ALKAL2: variants seen among roughly 807,000 people sequenced by gnomAD.
ALKAL2 encodes ALK and LTK ligand 2, also known as AUG-alpha.
In ALKAL2, 8 loss-of-function variants were observed where a neutral mutation model predicts 18.5. That is an observed-to-expected ratio of 0.43 (90% CI 0.25 to 0.78). The LOEUF (loss-of-function observed/expected upper bound fraction) is 0.78. Ranked by LOEUF, ALKAL2 falls within the 30% of genes least tolerant of loss-of-function variation. The probability of loss-of-function intolerance (pLI) is 0.22; values close to 1 mark genes in which losing one functional copy is unlikely to be tolerated. For missense variants in ALKAL2, 241 were observed against 211.2 expected, an observed-to-expected ratio of 1.14 and a Z score of -0.88; for synonymous variants, 135 against 95.8, an observed-to-expected ratio of 1.41 and a Z score of -2.39.
intron 3 of ALKAL2, 24 bp downstream of exon 3, chr2:286,266 G>C (rs958443391): frequency 1.9e-6 from 3 of 1,610,666 alleles, no homozygotes; most frequent in Non-Finnish European, 2.5e-6. Flanking sequence ...TCTGGGAGAC[G>C]TGAGGAACGA....
Position 279,983 on chromosome 2 carries a change from C to T in ALKAL2, c.*164G>A. 1 of 729,894 alleles carries T rather than the reference C, an allele frequency of 1.4e-6. No homozygotes were observed. The allele number at this position is 729,894 out of a possible 1,614,324, so 45.2% of individuals were successfully genotyped here. ...CACTGATTTATCGAATATATATCTG[C>T]AAACTGTCAACAACATACAAAACTC... On this transcript the variant is annotated 3_prime_UTR_variant, in exon 6 of 6. Coordinates refer to ENST00000403610, the MANE Select transcript of ALKAL2 (RefSeq NM_001002919.3).
chr2:280,432 G>A (rs1463054014), intron 5 of ALKAL2, among the ~76,000 whole-genome samples: 3 of 152,234 alleles, frequency 2.0e-5, no homozygotes, highest in Non-Finnish European at 2.9e-5. Flanking sequence ...AGTCTTACAT[G>A]TGCTATCAGA....
In ALKAL2 at chr2:282,032, T is replaced by C. The variant is rs375703854; in HGVS notation, c.453+1079A>G. 1.3e-5 allele frequency among the ~76,000 whole-genome samples: 2 copies of C among 152,116 alleles called. 1 individual carries two copies. Among genetic ancestry groups the C allele is most frequent in the African/African-American group, 4.8e-5 (2 of 41,416 alleles). On this transcript the variant is annotated intron_variant, in intron 5 of 5. Coordinates refer to ENST00000403610, the MANE Select transcript of ALKAL2 (RefSeq NM_001002919.3). ...AAAAGTGCAGTGAAACTGTGCAAAA[T>C]GCAGTCTCAACCCGCCATTACCCAC...
intron 5 of ALKAL2, among the ~76,000 whole-genome samples, chr2:282,076 G>A (rs973269929): frequency 3.3e-5 from 5 of 152,206 alleles, no homozygotes; most frequent in African/African-American, 1.2e-4. Flanking sequence ...CTCCCCCAGT[G>A]CCATTCCTCT....
chr2:282,889 C>G (rs1198576786), intron 5 of ALKAL2, among the ~76,000 whole-genome samples: 1 of 152,166 alleles, frequency 6.6e-6, no homozygotes, highest in Non-Finnish European at 1.5e-5. Context: ...ACTTAGTGCC[C>G]GTGTGCCATG....
Position 286,130 on chromosome 2 carries a change from A to G in ALKAL2, c.381T>C (p.Ile127=). The part of the protein sequence containing the change: ...RLYHNTRDCT[I]PAYYKRCARL... ...TCCAATGCTGTTACTTACATGCAGGAATGGTGCAGTCTCTGGTGTTGTGAT... is the reference window on the plus strand; with the variant it reads ...TCCAATGCTGTTACTTACATGCAGGGATGGTGCAGTCTCTGGTGTTGTGAT... The change falls in exon 4 of 6, where the codon ATT becomes ATC. Residue 127 remains isoleucine, a synonymous_variant. Transcript: ENST00000403610. The G allele has an allele frequency of 6.2e-7, 1 of 1,613,270 alleles. No individual in the cohort carries two copies. The highest frequency in any genetic ancestry group is 8.5e-7 in the Non-Finnish European group (1 of 1,179,344).
intron 4 of ALKAL2, among the ~76,000 whole-genome samples, chr2:284,922 T>C (rs556303199): frequency 6.6e-6 from 1 of 152,280 alleles, no homozygotes; most frequent in South Asian, 2.1e-4. Flanking sequence ...GGTGATTACA[T>C]TCCAAAAGAA....
At chr2:281,533 A>C (rs1445959531) in intron 5 of ALKAL2, among the ~76,000 whole-genome samples, 1 of 152,178 alleles carries the variant, frequency 6.6e-6, no homozygotes, top group Non-Finnish European at 1.5e-5. Context: ...GCAAAGCAGG[A>C]CGTGCGCACG....
rs994471992 is a variant in ALKAL2, at chr2:279,800, A to T, written c.*347T>A. On this transcript the variant is annotated 3_prime_UTR_variant, in exon 6 of 6. Coordinates refer to ENST00000403610, the MANE Select transcript of ALKAL2 (RefSeq NM_001002919.3). ...ATCAAATTATGTTATATGAAAATAT[A>T]CTTTAAGATTCTGCTTATGTTTCTA... 6.0e-5 allele frequency: 15 copies of T among 248,592 alleles called. No individual in the cohort carries two copies. Among genetic ancestry groups the T allele is most frequent in the Non-Finnish European group, 1.0e-4 (13 of 129,144 alleles). The allele number at this position is 248,592 out of a possible 1,614,324, so 15.4% of individuals were successfully genotyped here.
chr2:282,566 G>A (rs1670387972), intron 5 of ALKAL2, among the ~76,000 whole-genome samples: 1 of 152,118 alleles, frequency 6.6e-6, no homozygotes, highest in Non-Finnish European at 1.5e-5. Flanking sequence ...GCCCTCAAGG[G>A]GCCAAGGTGC....
At chr2:286,409 G>A (rs1670510743) in intron 2 of ALKAL2, 66 bp from the exon 3 acceptor site, 3 of 1,302,224 alleles carry the variant, frequency 2.3e-6, no homozygotes, top group Middle Eastern at 2.4e-4. Flanking sequence ...GTGATCTTAA[G>A]TGAATGTTGA....
At chr2:282,451 A>G (rs1051308677) in intron 5 of ALKAL2, among the ~76,000 whole-genome samples, 2 of 152,264 alleles carry the variant, frequency 1.3e-5, no homozygotes, top group African/African-American at 4.8e-5. Context: ...TTACAGTTGC[A>G]TCCTGCTGTC....
chr2:286,236 A>T (rs775566123), intron 3 of ALKAL2, 33 bp from the exon 4 acceptor site: 1 of 1,611,530 alleles, frequency 6.2e-7, no homozygotes, highest in East Asian at 2.2e-5. Flanking sequence ...GATCATGAAG[A>T]CTCACAGGTG....
chr2:283,383 G>T (rs532335815), intron 4 of ALKAL2: 1 of 985,446 alleles, frequency 1.0e-6, no homozygotes, highest in African/African-American at 1.7e-5. Context: ...TTCAATGGCA[G>T]AAGTCGGATG....
At chr2:285,869 G>A (rs1040591030) in intron 4 of ALKAL2, 12 of 440,146 alleles carry the variant, frequency 2.7e-5, no homozygotes, top group Non-Finnish European at 4.1e-5. Flanking sequence ...TTAACAGGAG[G>A]AGAATCGGAG....
chr2:284,722 GAC>G (rs2103083344), intron 4 of ALKAL2, among the ~76,000 whole-genome samples: 1 of 152,312 alleles, frequency 6.6e-6, no homozygotes, highest in South Asian at 2.1e-4. Flanking sequence ...GCTGATATCT[GAC>G]AGCACAAAAG....
At chr2:287,360 G>C (rs1310566117) in intron 2 of ALKAL2, 4 of 396,144 alleles carry the variant, frequency 1.0e-5, no homozygotes, top group Non-Finnish European at 1.8e-5. Flanking sequence ...CCACCGACCC[G>C]CGCCGCAGCT....
chr2:281,246 A>C lies in ALKAL2; in HGVS notation c.454-1094T>G, dbSNP rs1024947950. Among the ~76,000 whole-genome samples the C allele has an allele frequency of 7.9e-5, 12 of 152,214 alleles. No homozygotes were observed. In the South Asian group the frequency reaches 1.7e-3, roughly 21 times the overall value. ...TATCTTTAAAAAATAGGAGTTATGA[A>C]ATTATAGTTAACAGGGTATCAATAT... is the stretch of plus-strand genomic sequence containing the variant. On this transcript the variant is annotated intron_variant, in intron 5 of 5. Transcript: ENST00000403610.
intron 2 of ALKAL2, chr2:287,351 C>T (rs1194989733): frequency 5.1e-6 from 2 of 392,870 alleles, no homozygotes; most frequent in Non-Finnish European, 8.9e-6. Flanking sequence ...GTGTGGAAAC[C>T]ACCGACCCGC....
Sources: allele counts gnomAD v4.1 joint callset (sites outside exome capture counted in the v4.1 genomes callset), GRCh38; gene constraint gnomAD v4.1.1; transcripts MANE v1.5; gene names NCBI Gene and HGNC (gene_info 2026-07-23, HGNC 2026-07-21).